The following KIRREL3 variants were observed in gnomAD, a reference collection of about 807,000 sequenced individuals.
The protein encoded by KIRREL3 is kin of IRRE-like protein 3.
In KIRREL3, 36 loss-of-function variants were observed where a neutral mutation model predicts 89.7. That is an observed-to-expected ratio of 0.40 (90% CI 0.31 to 0.53). The LOEUF (loss-of-function observed/expected upper bound fraction) is 0.53. Among genes scored for constraint, KIRREL3 ranks in the 20% least tolerant of loss-of-function variants. KIRREL3 has a pLI of 0.49. For missense variants in KIRREL3, 864 were observed against 1,056.6 expected (o/e 0.82, Z 2.53); for synonymous variants, 445 against 441.4 (o/e 1.01, Z -0.10).
rs1393846530 is a variant in KIRREL3 at position 126,729,140 on chromosome 11, G to C, written c.56-166228C>G. Among the ~76,000 whole-genome samples, 2 of 152,222 alleles carry C rather than the reference G, an allele frequency of 1.3e-5. No individual in the cohort carries two copies. The highest frequency in any genetic ancestry group is 2.9e-5 in the Non-Finnish European group (2 of 68,036). On this transcript the variant is annotated intron_variant, in intron 1 of 16. Coordinates refer to ENST00000525144, the MANE Select transcript of KIRREL3 (RefSeq NM_032531.4). The surrounding 1 kb of genome is among the most constrained non-coding windows in gnomAD (Gnocchi z 4.5). The stretch of plus-strand genomic sequence containing the variant: ...GCAGAATGGCTGCCTCCTTAGTCCA[G>C]ACTGAGTCCTGTGGAATGTGTGGTT...
At position 126,424,956 on chromosome 11, in the gene KIRREL3, A is replaced by T. The variant is rs763653865; in HGVS notation, c.1961T>A (p.Leu654His). ...KEHHSTPTIS[L>H]SSCQPDLRPA... ...ACGCAGGTCGGGCTGGCAGCTGGAG[A>T]GGGAGATGGTCGGGGTTGAGTGGTG... is the stretch of plus-strand genomic sequence containing the variant. Residue 654 changes from leucine to histidine, a missense_variant, in exon 17 of 17, where the codon CTC (leucine) becomes CAC (histidine). By Grantham distance (99) the Leu-to-His change is moderately conservative (BLOSUM62 -3). Coordinates refer to ENST00000525144, the MANE Select transcript of KIRREL3 (RefSeq NM_032531.4). 4.4e-6 allele frequency: 7 copies of T among 1,592,276 alleles called. No homozygotes were observed. The South Asian group carries it at 6.8e-5, about 16-fold the overall frequency.
intron 1 of KIRREL3, among the ~76,000 whole-genome samples, chr11:126,765,051 C>T (rs1191622847): frequency 2.0e-5 from 3 of 152,138 alleles, no homozygotes. Flanking sequence ...TCATGACATT[C>T]CTAGAGATGG....
chr11:126,560,685 T>C (rs1940052292), intron 2 of KIRREL3, among the ~76,000 whole-genome samples: 1 of 152,194 alleles, frequency 6.6e-6, no homozygotes. Context: ...TTAGATACTG[T>C]TAAACAGAAC....
intron 1 of KIRREL3, among the ~76,000 whole-genome samples, chr11:126,810,448 T>C (rs1951344748): frequency 6.6e-6 from 1 of 152,166 alleles, no homozygotes. Context: ...TTAAAAATAT[T>C]TTATGTAAAC....
intron 1 of KIRREL3, among the ~76,000 whole-genome samples, chr11:126,667,160 T>TA (rs1945700953): frequency 6.6e-6 from 1 of 152,208 alleles, no homozygotes. Flanking sequence ...AGTCAAGAGT[T>TA]ACAGGAAATA....
At chr11:126,868,226 C>T (rs1163937977) in intron 1 of KIRREL3, among the ~76,000 whole-genome samples, 3 of 152,062 alleles carry the variant, frequency 2.0e-5, no homozygotes, top group East Asian at 1.9e-4. Flanking sequence ...ATTCCTGTTA[C>T]GAAGGTGGCA....
At chr11:126,545,024 T>C (rs951825012) in intron 2 of KIRREL3, among the ~76,000 whole-genome samples, 8 of 152,226 alleles carry the variant, frequency 5.3e-5, no homozygotes, top group Admixed American at 3.9e-4. Flanking sequence ...CCTGCAGTAA[T>C]TATTTGGATC....
Position 126,516,017 on chromosome 11 carries a change from T to G in KIRREL3, c.433+5298A>C, listed in dbSNP as rs1958397433. Among the ~76,000 whole-genome samples the G allele has an allele frequency of 6.6e-6, 1 of 152,154 alleles. No homozygotes were observed. Among genetic ancestry groups the G allele is most frequent in the African/African-American group, 2.4e-5 (1 of 41,432 alleles). On this transcript the variant is annotated intron_variant, in intron 4 of 16. Coordinates refer to ENST00000525144, the MANE Select transcript of KIRREL3 (RefSeq NM_032531.4). This position sits in a 1 kb window ranked among gnomAD's most constrained non-coding sequence, Gnocchi z 4.9. ...TCATGGATGGGAGATTGGGGGAGGCTGCCAACGCGGTGGGCTGAGGAGGCC... is the reference window on the plus strand; with the variant it reads ...TCATGGATGGGAGATTGGGGGAGGCGGCCAACGCGGTGGGCTGAGGAGGCC...
In KIRREL3 at chr11:126,553,955, T is replaced by C. The variant is rs150944738; in HGVS notation, c.133+8880A>G. ...GAAACAGGTTGGTGTCCATTCACAT[T>C]GGAACTGCTGTCTGTCAACCAAACA... On this transcript the variant is annotated intron_variant, in intron 2 of 16. Coordinates refer to ENST00000525144, the MANE Select transcript of KIRREL3 (RefSeq NM_032531.4). The surrounding 1 kb of genome is among the most constrained non-coding windows in gnomAD (Gnocchi z 4.7). 6.6e-6 allele frequency among the ~76,000 whole-genome samples: 1 copy of C among 152,314 alleles called. No homozygotes were observed. The highest frequency in any genetic ancestry group is 1.5e-5 in the Non-Finnish European group (1 of 68,022).
At position 126,441,164 on chromosome 11, in the gene KIRREL3, A is replaced by G. The variant is rs1955549824; in HGVS notation, c.1253-615T>C. ...ACAGCCCTCCTCCCACCTGTGTCTC[A>G]GGAGGTCCTGCAGTTCATCATCTTG... is the stretch of plus-strand genomic sequence containing the variant. On this transcript the variant is annotated intron_variant, in intron 10 of 16. Transcript: ENST00000525144. The surrounding 1 kb of genome is among the most constrained non-coding windows in gnomAD (Gnocchi z 5.0). Among the ~76,000 whole-genome samples the G allele has an allele frequency of 6.6e-6, 1 of 152,228 alleles. No individual in the cohort carries two copies. The highest frequency in any genetic ancestry group is 2.1e-4 in the South Asian group (1 of 4,832).
At chr11:126,819,547 C>A (rs971208489) in intron 1 of KIRREL3, among the ~76,000 whole-genome samples, 1 of 152,206 alleles carries the variant, frequency 6.6e-6, no homozygotes, top group Non-Finnish European at 1.5e-5. Flanking sequence ...TAGATGGATA[C>A]AGCCACCCCA....
At chr11:126,862,551 G>A (rs1425908877) in intron 1 of KIRREL3, among the ~76,000 whole-genome samples, 2 of 152,158 alleles carry the variant, frequency 1.3e-5, no homozygotes, top group Non-Finnish European at 2.9e-5. Flanking sequence ...GTTTGGAAAG[G>A]GGACTCTAGC....
At chr11:126,451,117 GTGTGTGTGCATGTGCA>G (rs1265001487) in intron 7 of KIRREL3, among the ~76,000 whole-genome samples, 14 of 148,528 alleles carry the variant, frequency 9.4e-5, no homozygotes, top group Admixed American at 3.3e-4. Context: ...GTGTGCATGT[GTGTGTGTGCATGTGCA>G]TGTGTGTGCA....
At chr11:126,756,949 C>T (rs1287232636) in intron 1 of KIRREL3, among the ~76,000 whole-genome samples, 2 of 152,202 alleles carry the variant, frequency 1.3e-5, no homozygotes, top group East Asian at 1.9e-4. Context: ...GAGTGCCTGG[C>T]CAGACATATC....
Position 126,574,690 on chromosome 11 carries a change from C to T in KIRREL3, c.56-11778G>A, listed in dbSNP as rs1159909863. 7.2e-5 allele frequency among the ~76,000 whole-genome samples: 11 copies of T among 152,080 alleles called. No homozygotes were observed. The highest frequency in any genetic ancestry group is 3.9e-4 in the East Asian group (2 of 5,186). On this transcript the variant is annotated intron_variant, in intron 1 of 16. Coordinates refer to ENST00000525144, the MANE Select transcript of KIRREL3 (RefSeq NM_032531.4). This position sits in a 1 kb window ranked among gnomAD's most constrained non-coding sequence, Gnocchi z 5.3. Reference sequence around the variant, plus strand: ...GATAGTGTGTGCTTACATGTGTGCACGCATTTGGAGAAAGGGAAGGAATTC... The same window carrying T: ...GATAGTGTGTGCTTACATGTGTGCATGCATTTGGAGAAAGGGAAGGAATTC...
Position 126,948,904 on chromosome 11 carries a change from T to C in KIRREL3, c.55+51551A>G, listed in dbSNP as rs141832129. Among the ~76,000 whole-genome samples, 224 of 152,254 alleles carry C rather than the reference T, an allele frequency of 1.5e-3. 2 individuals carry two copies. The highest frequency in any genetic ancestry group is 5.0e-3 in the African/African-American group (206 of 41,528). ...CCTCCAAAACATAATCCCATATACA[T>C]ATACCATATAACATGCTGGGCTAGG... On this transcript the variant is annotated intron_variant, in intron 1 of 16. Coordinates refer to ENST00000525144, the MANE Select transcript of KIRREL3 (RefSeq NM_032531.4). The surrounding 1 kb of genome is among the most constrained non-coding windows in gnomAD (Gnocchi z 4.5).
At chr11:126,822,867 A>T (rs1943275421) in intron 1 of KIRREL3, among the ~76,000 whole-genome samples, 1 of 152,000 alleles carries the variant, frequency 6.6e-6, no homozygotes, top group Admixed American at 6.6e-5. Context: ...GTTTCCAGAG[A>T]CTCACACCTG....
At chr11:126,722,184 G>A (rs936634542) in intron 1 of KIRREL3, among the ~76,000 whole-genome samples, 5 of 152,302 alleles carry the variant, frequency 3.3e-5, no homozygotes, top group Non-Finnish European at 5.9e-5. Context: ...AAAACATCCT[G>A]TTTCCAGTCA....
intron 12 of KIRREL3, 87 bp from the exon 13 acceptor site, chr11:126,435,390 T>A (rs1262082315): frequency 3.0e-6 from 4 of 1,332,292 alleles, no homozygotes; most frequent in Non-Finnish European, 4.3e-6. Context: ...TGAGCGGGGC[T>A]GGGTGAGGGG....
Sources: gnomAD v4.1 joint callset for allele counts (sites outside exome capture counted in the v4.1 genomes callset) on GRCh38, gnomAD v4.1.1 for gene constraint, Gnocchi (gnomAD v3.1) non-coding constraint, MANE v1.5 for transcripts, NCBI Gene and HGNC (gene_info 2026-07-23, HGNC 2026-07-21) for gene names.